ADAM22: variants seen among roughly 807,000 people sequenced by gnomAD.
ADAM22 encodes the protein ADAM metallopeptidase domain 22.
A neutral mutation model predicts 144.6 loss-of-function variants in ADAM22; 65 were observed. That is an observed-to-expected ratio of 0.45 (90% CI 0.37 to 0.55). The LOEUF (loss-of-function observed/expected upper bound fraction) is 0.55. Ranked by LOEUF, ADAM22 falls within the 20% of genes least tolerant of loss-of-function variation. The probability of loss-of-function intolerance (pLI) is 0.00; values close to 1 mark genes in which losing one functional copy is unlikely to be tolerated. For missense variants in ADAM22, 974 were observed against 1,184.9 expected, an observed-to-expected ratio of 0.82 and a Z score of 2.61; for synonymous variants, 391 against 412.6, an observed-to-expected ratio of 0.95 and a Z score of 0.63.
At chr7:88,142,986 A>T (rs1288635683) in intron 14 of ADAM22, 40 bp from the exon 15 acceptor site, 4 of 1,267,788 alleles carry the variant, frequency 3.2e-6, no homozygotes, top group East Asian at 4.6e-5. Context: ...AATGAGAAAG[A>T]TGAGTTGAAC....
At chr7:88,024,745 C>T (rs181368888) in intron 3 of ADAM22, among the ~76,000 whole-genome samples, 218 of 144,158 alleles carry the variant, frequency 1.5e-3, no homozygotes, top group African/African-American at 5.0e-3. Flanking sequence ...TGTTCCCCTT[C>T]CTGTGTCCAT....
At chr7:88,109,513 G>A (rs1332290398) in intron 5 of ADAM22, among the ~76,000 whole-genome samples, 1 of 151,996 alleles carries the variant, frequency 6.6e-6, no homozygotes, top group African/African-American at 2.4e-5. Flanking sequence ...TTTTCGTTGA[G>A]AAACTTTAAA....
intron 4 of ADAM22, among the ~76,000 whole-genome samples, chr7:88,102,512 G>T (rs1320072914): frequency 1.3e-5 from 2 of 152,124 alleles, no homozygotes; most frequent in Non-Finnish European, 2.9e-5. Context: ...TTAGATGGTT[G>T]GGAGTAAGTC....
At chr7:88,145,668 G>A (rs1836181041) in intron 17 of ADAM22, among the ~76,000 whole-genome samples, 161 bp downstream of exon 17, 1 of 152,206 alleles carries the variant, frequency 6.6e-6, no homozygotes, top group Non-Finnish European at 1.5e-5. Flanking sequence ...CTTGTGTGGT[G>A]TAGTTGCTTA....
chr7:88,135,767 T>C (rs1450302306), intron 13 of ADAM22, among the ~76,000 whole-genome samples: 2 of 152,186 alleles, frequency 1.3e-5, no homozygotes. Flanking sequence ...AAGGGTTTTT[T>C]TGGGGCAAAA....
At chr7:88,079,167 C>T (rs1307133286) in intron 4 of ADAM22, among the ~76,000 whole-genome samples, 4 of 152,162 alleles carry the variant, frequency 2.6e-5, no homozygotes, top group Admixed American at 2.0e-4. Context: ...ACTCTACAAG[C>T]CAGAAGAGAG....
chr7:88,053,333 A>G (rs1807040492), intron 3 of ADAM22, among the ~76,000 whole-genome samples: 1 of 151,890 alleles, frequency 6.6e-6, no homozygotes, highest in African/African-American at 2.4e-5. Context: ...TGGGCATCAT[A>G]GTATGCATGC....
chr7:88,004,909 T>C (rs1393318597), intron 3 of ADAM22, among the ~76,000 whole-genome samples: 1 of 152,080 alleles, frequency 6.6e-6, no homozygotes, highest in East Asian at 1.9e-4. Flanking sequence ...ATGGAGAGGG[T>C]CTTGATTTTC....
At chr7:87,959,725 A>C (rs1354280856) in intron 2 of ADAM22, among the ~76,000 whole-genome samples, 2 of 152,230 alleles carry the variant, frequency 1.3e-5, no homozygotes. Context: ...TATAGATGGT[A>C]GCATTTATTA....
intron 4 of ADAM22, among the ~76,000 whole-genome samples, chr7:88,107,250 G>A (rs1170969136): frequency 7.4e-6 from 1 of 136,046 alleles, no homozygotes; most frequent in Non-Finnish European, 1.5e-5. Context: ...CGCCCAGGCT[G>A]GAGTACAGTG....
At chr7:88,051,606 C>T (rs373230956) in intron 3 of ADAM22, among the ~76,000 whole-genome samples, 10 of 151,886 alleles carry the variant, frequency 6.6e-5, no homozygotes, top group East Asian at 5.8e-4. Context: ...ATGTAAATGA[C>T]GAGTTAGTGG....
intron 3 of ADAM22, among the ~76,000 whole-genome samples, chr7:88,014,997 G>A (rs1466598794): frequency 2.0e-5 from 3 of 152,188 alleles, no homozygotes; most frequent in Admixed American, 1.3e-4. Context: ...CCATGACGCC[G>A]TATGCTCTAG....
chr7:88,052,636 G>C (rs1806822571), intron 3 of ADAM22, among the ~76,000 whole-genome samples: 1 of 152,144 alleles, frequency 6.6e-6, no homozygotes, highest in Admixed American at 6.5e-5. Context: ...ATTTTTGGCT[G>C]TTTTTCCAAA....
At chr7:88,007,013 A>T (rs1794053940) in intron 3 of ADAM22, among the ~76,000 whole-genome samples, 1 of 152,158 alleles carries the variant, frequency 6.6e-6, no homozygotes, top group Non-Finnish European at 1.5e-5. Flanking sequence ...CCATTGTCTC[A>T]GCCCAAAATC....
chr7:88,130,548 C>T (rs1014313048), intron 10 of ADAM22, 89 bp downstream of exon 10: 2 of 1,348,198 alleles, frequency 1.5e-6, no homozygotes, highest in Non-Finnish European at 2.1e-6. Context: ...TATAGTTTTA[C>T]TGCTCTATGT....
chr7:88,009,776 G>A (rs1794945116), intron 3 of ADAM22, among the ~76,000 whole-genome samples: 1 of 152,110 alleles, frequency 6.6e-6, no homozygotes, highest in African/African-American at 2.4e-5. Context: ...CTATCCTTCA[G>A]TTGGAGGCAT....
rs146145764 is a variant in ADAM22 at position 88,137,091 on chromosome 7, A to G, written c.1220+1060A>G. ...CTATCATTCTCAAGTCATTCTTTAT[A>G]CTTTTACTGTATAGTATGTATGTGT... On this transcript the variant is annotated intron_variant, in intron 14 of 31. Transcript: ENST00000413139. 2.3e-3 allele frequency among the ~76,000 whole-genome samples: 344 copies of G among 152,224 alleles called. 2 individuals are homozygous for G. The highest frequency in any genetic ancestry group is 6.8e-3 in the African/African-American group (284 of 41,550).
At chr7:88,021,124 G>A (rs1797731039) in intron 3 of ADAM22, among the ~76,000 whole-genome samples, 1 of 152,174 alleles carries the variant, frequency 6.6e-6, no homozygotes, top group Non-Finnish European at 1.5e-5. Flanking sequence ...GAAACCAGAA[G>A]GCAGGGAACT....
chr7:88,169,959 A>G (rs1285592275), intron 25 of ADAM22, among the ~76,000 whole-genome samples: 3 of 151,904 alleles, frequency 2.0e-5, no homozygotes, highest in Non-Finnish European at 2.9e-5. Flanking sequence ...TCTTGGAAAA[A>G]CCTACCTTTT....
Sources: gnomAD v4.1 joint callset for allele counts (sites outside exome capture counted in the v4.1 genomes callset) on GRCh38, gnomAD v4.1.1 for gene constraint, MANE v1.5 for transcripts, NCBI Gene and HGNC (gene_info 2026-07-23, HGNC 2026-07-21) for gene names.